The following LGI1 variants were observed in gnomAD, a reference collection of about 807,000 sequenced individuals.
The protein encoded by LGI1 is leucine-rich glioma-inactivated protein 1.
In LGI1, 11 loss-of-function variants were observed where a neutral mutation model predicts 57.7. The observed-to-expected ratio is 0.19, with a 90% CI of 0.12 to 0.32. The LOEUF is 0.32. LGI1 is among the 10% of genes least tolerant of loss of function. The pLI is 1.00. For synonymous variants in LGI1, 222 were observed against 241.9 expected, an observed-to-expected ratio of 0.92 and a Z score of 0.76; for missense variants, 422 against 661.9, an observed-to-expected ratio of 0.64 and a Z score of 3.98.
chr10:93,797,332 G>A lies in LGI1; in HGVS notation c.1203G>A (p.Leu401=), dbSNP rs2059989419. The change falls in exon 8 of 8, where the codon CTG becomes CTA. Residue 401 remains leucine (L), a synonymous_variant. Transcript: ENST00000371418. The surrounding 1 kb of genome is among the most constrained non-coding windows in gnomAD (Gnocchi z 6.5). ...CACTCAGAACGCCTCATTTAATTCT[G>A]TCTAGTAGTTCCCAGCGTCCTGTAA... ...PQTLRTPHLI[L]SSSSQRPVIY... is the part of the protein sequence containing the mutation. The A allele has an allele frequency of 6.2e-7, 1 of 1,614,034 alleles. No individual in the cohort carries two copies. The highest frequency in any genetic ancestry group is 1.3e-5 in the African/African-American group (1 of 74,918).
At chr10:93,764,066 A>C (rs2059649945) in intron 2 of LGI1, 1 of 152,194 alleles carries the variant, frequency 6.6e-6, no homozygotes. Context: ...AAAGCCTCCC[A>C]TTTTAGCAGA....
intron 4 of LGI1, chr10:93,788,202 T>A (rs2059906195): frequency 6.6e-6 from 1 of 152,224 alleles, no homozygotes; most frequent in African/African-American, 2.4e-5. Flanking sequence ...GTCCAAGACA[T>A]CAGAAAATCT....
intron 2 of LGI1, chr10:93,764,140 A>C (rs1321908212): frequency 1.3e-5 from 2 of 152,200 alleles, no homozygotes; most frequent in African/African-American, 4.8e-5. Flanking sequence ...CACAAAGATG[A>C]GTGACACGCT....
intron 4 of LGI1, among the ~76,000 whole-genome samples, chr10:93,781,536 G>T (rs924398728): frequency 6.6e-6 from 1 of 152,066 alleles, no homozygotes; most frequent in African/African-American, 2.4e-5. Flanking sequence ...CAAATGTTGG[G>T]ATTCTCAATT....
At chr10:93,781,572 T>C (rs992727810) in intron 4 of LGI1, among the ~76,000 whole-genome samples, 1 of 152,184 alleles carries the variant, frequency 6.6e-6, no homozygotes, top group Non-Finnish European at 1.5e-5. Flanking sequence ...ATTGTTCTAA[T>C]GTTATGCATG....
chr10:93,758,906 A>G lies in LGI1; in HGVS notation c.287+75A>G. 1 of 1,069,416 alleles carries G rather than the reference A, an allele frequency of 9.4e-7. No individual in the cohort carries two copies. The highest frequency in any genetic ancestry group is 1.4e-6 in the Non-Finnish European group (1 of 694,964). The allele number at this position is 1,069,416 out of a possible 1,614,324, so 66.2% of individuals were successfully genotyped here. A position where few individuals can be genotyped will look rare whatever the true frequency, so the allele number is the denominator to read the frequency against. ...TAAGCCTTCTAGTAAAATGATCTCA[A>G]TATTAATTTTGTCAAATGTGATTCT... On this transcript the variant is annotated intron_variant, in intron 2 of 7. Coordinates refer to ENST00000371418, the MANE Select transcript of LGI1 (RefSeq NM_005097.4). The surrounding 1 kb of genome is among the most constrained non-coding windows in gnomAD (Gnocchi z 4.7).
chr10:93,793,029 A>T (rs929752777), intron 6 of LGI1, 117 bp downstream of exon 6: 34 of 1,248,734 alleles, frequency 2.7e-5, no homozygotes, highest in East Asian at 7.2e-5. Flanking sequence ...ACTTAATTTT[A>T]AAAAAATTAT....
At chr10:93,792,552 T>G in intron 5 of LGI1, 191 bp from the exon 6 acceptor site, 1 of 652,866 alleles carries the variant, frequency 1.5e-6, no homozygotes, top group South Asian at 1.7e-5. Context: ...GACTGGGTAG[T>G]CTTCAAGTGT....
intron 2 of LGI1, chr10:93,767,129 T>A (rs1032457920): frequency 6.6e-6 from 1 of 151,558 alleles, no homozygotes; most frequent in South Asian, 2.1e-4. Context: ...CTGAAAGGAG[T>A]TTCAAAAGCC....
intron 4 of LGI1, among the ~76,000 whole-genome samples, chr10:93,787,664 T>C (rs918396263): frequency 6.6e-5 from 10 of 151,906 alleles, no homozygotes; most frequent in Admixed American, 2.0e-4. Flanking sequence ...TCCCAGCACA[T>C]TGGGAGGAAG....
chr10:93,783,276 T>G (rs1256689707), intron 4 of LGI1, among the ~76,000 whole-genome samples: 1 of 152,128 alleles, frequency 6.6e-6, no homozygotes, highest in Non-Finnish European at 1.5e-5. Flanking sequence ...CTCGGGAGGC[T>G]GAGGCGGGAG....
At chr10:93,765,164 T>G (rs2059661199) in intron 2 of LGI1, 1 of 152,186 alleles carries the variant, frequency 6.6e-6, no homozygotes, top group Admixed American at 6.5e-5. Context: ...GGTTTGAAAC[T>G]CAGTTTGGCC....
intron 4 of LGI1, among the ~76,000 whole-genome samples, chr10:93,779,738 T>C (rs1006684063): frequency 6.6e-6 from 1 of 152,068 alleles, no homozygotes. Context: ...ACGCTTAACA[T>C]TCAGAAAATT....
intron 2 of LGI1, among the ~76,000 whole-genome samples, chr10:93,761,200 A>G (rs2059619623): frequency 6.6e-6 from 1 of 152,190 alleles, no homozygotes; most frequent in African/African-American, 2.4e-5. Context: ...AGGGCTGTCC[A>G]GTGCCCTGAA....
chr10:93,783,545 G>A (rs2059868340), intron 4 of LGI1, among the ~76,000 whole-genome samples: 1 of 152,082 alleles, frequency 6.6e-6, no homozygotes, highest in Non-Finnish European at 1.5e-5. Flanking sequence ...CCTGAGGTGG[G>A]GGTCCACACC....
chr10:93,779,885 G>A lies in LGI1; in HGVS notation c.431+2268G>A, dbSNP rs146799856. 3.3e-4 allele frequency among the ~76,000 whole-genome samples: 50 copies of A among 152,302 alleles called. No homozygotes were observed. In the East Asian group the frequency reaches 4.6e-3, roughly 14 times the overall value. ...TGAGGGAACAGGGGTTAAGGCTGTGGCTAAATGAATATGACCCTTAGGTCT... is the reference window on the plus strand; with the variant it reads ...TGAGGGAACAGGGGTTAAGGCTGTGACTAAATGAATATGACCCTTAGGTCT... On this transcript the variant is annotated intron_variant, in intron 4 of 7. Transcript: ENST00000371418.
chr10:93,777,316 A>G (rs2134000940), intron 2 of LGI1, 63 bp from the exon 3 acceptor site: 1 of 1,463,292 alleles, frequency 6.8e-7, no homozygotes, highest in African/African-American at 1.4e-5. Flanking sequence ...CTGAGAGATA[A>G]AAGCAGCCAA....
intron 4 of LGI1, chr10:93,782,602 G>C (rs2059855883): frequency 6.6e-6 from 1 of 152,244 alleles, no homozygotes. Flanking sequence ...CTGGTATGTA[G>C]TAAGCACCAC....
At chr10:93,786,066 G>A (rs1357813513) in intron 4 of LGI1, among the ~76,000 whole-genome samples, 1 of 46,156 alleles carries the variant, frequency 2.2e-5, no homozygotes, top group African/African-American at 3.0e-5. Context: ...ATCACAGCTG[G>A]CTTTAAGCTG....
Sources: allele counts gnomAD v4.1 joint callset (sites outside exome capture counted in the v4.1 genomes callset), GRCh38; gene constraint gnomAD v4.1.1; non-coding constraint Gnocchi (gnomAD v3.1); transcripts MANE v1.5; gene names NCBI Gene and HGNC (gene_info 2026-07-23, HGNC 2026-07-21).